Variants in CDH18 observed in about 807,000 individuals in gnomAD.
The protein encoded by CDH18 is cadherin-18.
Under a neutral mutation model 67.9 loss-of-function variants are expected in CDH18, and 31 were observed. The ratio of observed to expected loss-of-function variants is 0.46; its 90% CI spans 0.34 to 0.62. The LOEUF (loss-of-function observed/expected upper bound fraction) is 0.62. Ranked by LOEUF, CDH18 falls within the 20% of genes least tolerant of loss-of-function variation. The pLI, the probability that CDH18 is intolerant of heterozygous loss-of-function variation, is 0.01. For synonymous variants in CDH18, 362 were observed against 347.2 expected (o/e 1.04, Z -0.48); for missense variants, 890 against 975.5 (o/e 0.91, Z 1.17).
chr5:20,036,559 G>A (rs1160122657), intron 2 of CDH18, among the ~76,000 whole-genome samples: 1 of 152,014 alleles, frequency 6.6e-6, no homozygotes, highest in Non-Finnish European at 1.5e-5. Flanking sequence ...ATGCACACAA[G>A]CAACGTTATG....
chr5:20,317,805 G>A (rs989314606), intron 1 of CDH18, among the ~76,000 whole-genome samples: 4 of 152,096 alleles, frequency 2.6e-5, no homozygotes, highest in East Asian at 1.9e-4. Flanking sequence ...ACTCACAAAC[G>A]TAAACCTCCT....
At chr5:20,089,059 T>C (rs918874849) in intron 2 of CDH18, among the ~76,000 whole-genome samples, 2 of 152,100 alleles carry the variant, frequency 1.3e-5, no homozygotes, top group Non-Finnish European at 2.9e-5. Context: ...ATGAGAGAGA[T>C]AGACTAGTGA....
intron 8 of CDH18, among the ~76,000 whole-genome samples, chr5:19,545,647 T>C (rs762331467): frequency 6.6e-6 from 1 of 152,168 alleles, no homozygotes; most frequent in Non-Finnish European, 1.5e-5. Context: ...AAATCACAGG[T>C]GACTCCATTT....
chr5:20,403,537 A>C (rs1241312427), intron 1 of CDH18, among the ~76,000 whole-genome samples: 1 of 152,198 alleles, frequency 6.6e-6, no homozygotes, highest in Admixed American at 6.5e-5. Flanking sequence ...CATTTCAGTC[A>C]GGGTTTTGGG....
chr5:19,582,980 C>T lies in CDH18; in HGVS notation c.999+8077G>A, dbSNP rs74890635. 9.2e-5 allele frequency among the ~76,000 whole-genome samples: 14 copies of T among 151,918 alleles called. No homozygotes were observed. In the East Asian group the frequency reaches 2.5e-3, roughly 27 times the overall value. On this transcript the variant is annotated intron_variant, in intron 7 of 12. Transcript: ENST00000382275. The stretch of plus-strand genomic sequence containing the variant: ...TTTCATGTTTTTATCTTATAATTTA[C>T]TTAAACTTTAAAAAACAAATTTATA...
At chr5:19,863,415 A>T (rs913372384) in intron 2 of CDH18, among the ~76,000 whole-genome samples, 4 of 152,168 alleles carry the variant, frequency 2.6e-5, no homozygotes, top group African/African-American at 9.7e-5. Flanking sequence ...AGTGAATCCC[A>T]AATACTGGCA....
At chr5:19,585,449 G>A (rs773339391) in intron 7 of CDH18, among the ~76,000 whole-genome samples, 4 of 152,128 alleles carry the variant, frequency 2.6e-5, no homozygotes, top group Admixed American at 6.5e-5. Context: ...AAACTTACCC[G>A]CAGTCATTTG....
At chr5:20,412,906 G>A (rs2150146210) in intron 1 of CDH18, among the ~76,000 whole-genome samples, 1 of 152,264 alleles carries the variant, frequency 6.6e-6, no homozygotes, top group East Asian at 1.9e-4. Context: ...TTGGTTTGCT[G>A]CACCCATTAA....
intron 1 of CDH18, among the ~76,000 whole-genome samples, chr5:20,436,335 T>C (rs182131909): frequency 1.3e-5 from 2 of 152,062 alleles, no homozygotes; most frequent in Admixed American, 1.3e-4. Flanking sequence ...TATTATTTGA[T>C]TCATGAATTC....
chr5:20,059,314 C>T (rs574813661), intron 2 of CDH18, among the ~76,000 whole-genome samples: 15 of 152,048 alleles, frequency 9.9e-5, no homozygotes, highest in African/African-American at 2.9e-4. Flanking sequence ...AAGGGTTTTG[C>T]GTGTCTCTGC....
At chr5:20,044,878 T>A (rs908531277) in intron 2 of CDH18, among the ~76,000 whole-genome samples, 1 of 152,146 alleles carries the variant, frequency 6.6e-6, no homozygotes, top group Non-Finnish European at 1.5e-5. Flanking sequence ...TCCCTCTATT[T>A]TTATAATATG....
At chr5:20,483,368 A>C (rs965837545) in intron 1 of CDH18, among the ~76,000 whole-genome samples, 3 of 152,036 alleles carry the variant, frequency 2.0e-5, no homozygotes, top group Non-Finnish European at 2.9e-5. Flanking sequence ...GATTCAATGC[A>C]ATTCCTACCA....
chr5:20,115,539 A>C (rs1391392349), intron 2 of CDH18, among the ~76,000 whole-genome samples: 1 of 151,792 alleles, frequency 6.6e-6, no homozygotes, highest in East Asian at 1.9e-4. Flanking sequence ...AGCCTCTTAA[A>C]GTGCTGGGAT....
chr5:20,350,984 AAGG>A (rs1234407502), intron 1 of CDH18, among the ~76,000 whole-genome samples: 2 of 151,642 alleles, frequency 1.3e-5, no homozygotes, highest in Non-Finnish European at 2.9e-5. Flanking sequence ...GTAAAAAAAA[AAGG>A]AGAACTTTTT....
chr5:20,494,615 AAAG>A (rs1343790581), intron 1 of CDH18, among the ~76,000 whole-genome samples: 1 of 152,206 alleles, frequency 6.6e-6, no homozygotes, highest in Admixed American at 6.5e-5. Flanking sequence ...AATGCCTTCA[AAAG>A]AAGAACATTT....
At chr5:19,563,937 T>G (rs1347995203) in intron 8 of CDH18, among the ~76,000 whole-genome samples, 1 of 152,162 alleles carries the variant, frequency 6.6e-6, no homozygotes, top group Middle Eastern at 3.2e-3. Flanking sequence ...ACAATGATTA[T>G]GAGACTTTGC....
At chr5:19,689,524 G>A (rs1761567288) in intron 5 of CDH18, among the ~76,000 whole-genome samples, 1 of 151,872 alleles carries the variant, frequency 6.6e-6, no homozygotes, top group African/African-American at 2.4e-5. Flanking sequence ...TACAAGAAAT[G>A]TTTAAGGGTG....
chr5:20,540,734 C>T (rs1015284680), intron 1 of CDH18, among the ~76,000 whole-genome samples: 1 of 152,184 alleles, frequency 6.6e-6, no homozygotes, highest in Admixed American at 6.5e-5. Context: ...TATTTAGGAT[C>T]ACCAGTAAGA....
rs1005313129 is a variant in CDH18, at chr5:20,357,823, C to T, written c.-579-102318G>A. 2.6e-5 allele frequency among the ~76,000 whole-genome samples: 4 copies of T among 152,048 alleles called. No individual in the cohort carries two copies. In the East Asian group the frequency reaches 7.7e-4, roughly 29 times the overall value. ...TATACCCAAAGGAAAATAAATGATT[C>T]TACCAAAAGGACATATGCACTTGCA... On this transcript the variant is annotated intron_variant, in intron 1 of 14. Coordinates refer to the CDH18 transcript ENST00000507958.
Sources: gnomAD v4.1 joint callset for allele counts (sites outside exome capture counted in the v4.1 genomes callset) on GRCh38, gnomAD v4.1.1 for gene constraint, MANE v1.5 for transcripts, NCBI Gene and HGNC (gene_info 2026-07-23, HGNC 2026-07-21) for gene names.